Variants in ARMC2 observed in about 807,000 individuals in gnomAD.
The protein encoded by ARMC2 is armadillo repeat containing 2, also known as armadillo repeat-containing protein 2.
A neutral mutation model predicts 90.3 loss-of-function variants in ARMC2; 67 were observed. That is an observed-to-expected ratio of 0.74 (90% CI 0.61 to 0.91). ARMC2 has a LOEUF of 0.91. ARMC2 is among the 40% of genes least tolerant of loss of function. ARMC2 has a pLI of 0.00. For synonymous variants in ARMC2, 393 were observed against 393.0 expected, an observed-to-expected ratio of 1.00 and a Z score of 0.00; for missense variants, 920 against 1,030.9, an observed-to-expected ratio of 0.89 and a Z score of 1.47.
At position 108,964,328 on chromosome 6, in the gene ARMC2, T is replaced by C. The variant is rs916469663; in HGVS notation, c.2285+16T>C. 1.9e-6 allele frequency: 3 copies of C among 1,612,032 alleles called. No homozygotes were observed. Among genetic ancestry groups the C allele is most frequent in the African/African-American group, 2.7e-5 (2 of 74,860 alleles). ...GCATTAAAAAGTAAGTTTCAGGGCG[T>C]AGAGTACTGACTCTCTCAGGATTTG... On this transcript the variant is annotated intron_variant, in intron 16 of 17. Coordinates refer to ENST00000392644, the MANE Select transcript of ARMC2 (RefSeq NM_032131.6).
intron 1 of ARMC2, among the ~76,000 whole-genome samples, chr6:108,853,099 AT>A (rs1332753925): frequency 9.9e-5 from 15 of 152,180 alleles, no homozygotes; most frequent in Non-Finnish European, 1.8e-4. Flanking sequence ...TGTATCAAAA[AT>A]TCCTAAAATA....
At chr6:109,021,789 CA>C in the ARMC2 span, among the ~76,000 whole-genome samples, 1 of 151,798 alleles carries the variant, frequency 6.6e-6, no homozygotes, top group African/African-American at 2.4e-5. Context: ...TATGTTGAAT[CA>C]GAAAAAAAGG....
chr6:108,888,752 G>A (rs1463420273), intron 5 of ARMC2, among the ~76,000 whole-genome samples: 1 of 152,130 alleles, frequency 6.6e-6, no homozygotes, highest in African/African-American at 2.4e-5. Context: ...GCTACATTCT[G>A]TTATTTCCTC....
intron 10 of ARMC2, among the ~76,000 whole-genome samples, chr6:108,919,289 G>T (rs746552202): frequency 6.6e-6 from 1 of 152,180 alleles, no homozygotes; most frequent in Non-Finnish European, 1.5e-5. Context: ...TTGTATTTAG[G>T]TGTTTAGATA....
In ARMC2 at chr6:108,899,648, A is replaced by G. The variant is rs772199142; in HGVS notation, c.749-46A>G. ...AGGCTTTTGACCATGCTTCATGACA[A>G]CTCCTTTTTCATAGCTTTTTCTCCT... On this transcript the variant is annotated intron_variant, in intron 6 of 17. Transcript: ENST00000392644. The G allele has an allele frequency of 9.0e-6, 13 of 1,448,176 alleles. No individual in the cohort carries two copies. In the East Asian group the frequency reaches 2.7e-4, roughly 31 times the overall value. The allele number at this position is 1,448,176 out of a possible 1,614,324, so 89.7% of individuals were successfully genotyped here.
intron 5 of ARMC2, among the ~76,000 whole-genome samples, chr6:108,891,685 A>G (rs2478995): frequency 0.19 from 29,397 of 151,920 alleles, 3,571 homozygotes; most frequent in East Asian, 0.35. Flanking sequence ...ATTTTCTCCT[A>G]TTCTGTAGGT....
intron 6 of ARMC2, among the ~76,000 whole-genome samples, chr6:108,895,458 T>C (rs934084362): frequency 1.6e-5 from 2 of 123,964 alleles, no homozygotes; most frequent in African/African-American, 6.3e-5. Flanking sequence ...CACTCCAGCC[T>C]GGGCGACAGA....
the ARMC2 span, among the ~76,000 whole-genome samples, chr6:109,016,553 G>C: frequency 6.6e-6 from 1 of 152,090 alleles, no homozygotes; most frequent in Non-Finnish European, 1.5e-5. Flanking sequence ...AGGTTATTAT[G>C]TATTTTAAAA....
chr6:108,949,290 GT>G (rs1403169080), intron 12 of ARMC2, among the ~76,000 whole-genome samples: 2 of 152,140 alleles, frequency 1.3e-5, no homozygotes, highest in Non-Finnish European at 2.9e-5. Flanking sequence ...GGTTTAGATT[GT>G]AAAAGATACT....
the ARMC2 span, among the ~76,000 whole-genome samples, chr6:109,035,963 G>A: frequency 6.6e-6 from 1 of 152,156 alleles, no homozygotes; most frequent in African/African-American, 2.4e-5. Context: ...AACTCCCAGA[G>A]CATAGTAATT....
At chr6:109,011,684 A>C in the ARMC2 span, among the ~76,000 whole-genome samples, 20 of 148,810 alleles carry the variant, frequency 1.3e-4, no homozygotes, top group African/African-American at 5.0e-4. Flanking sequence ...GGATGAGTGC[A>C]GTGGCATTAT....
At chr6:108,888,058 TCTC>T (rs1770541585) in intron 5 of ARMC2, among the ~76,000 whole-genome samples, 2 of 152,142 alleles carry the variant, frequency 1.3e-5, no homozygotes, top group South Asian at 2.1e-4. Flanking sequence ...ACGTAGAACA[TCTC>T]CTCTCTGTCC....
the ARMC2 span, among the ~76,000 whole-genome samples, chr6:109,004,869 T>C: frequency 6.6e-6 from 1 of 152,156 alleles, no homozygotes; most frequent in African/African-American, 2.4e-5. Context: ...TTGCTTAAGA[T>C]CAAAAAGTTT....
the ARMC2 span, chr6:108,992,984 CTCTT>C: frequency 1.2e-6 from 1 of 813,642 alleles, no homozygotes; most frequent in Non-Finnish European, 2.1e-6. Flanking sequence ...AATGGCATAA[CTCTT>C]TCTCTGATAC....
chr6:109,046,420 T>A, the ARMC2 span, among the ~76,000 whole-genome samples: 35 of 150,794 alleles, frequency 2.3e-4, 1 homozygote, highest in Non-Finnish European at 1.2e-4. Flanking sequence ...AGTGGCATGA[T>A]CTCGGCTCAC....
At chr6:108,858,718 A>G (rs1774919922) in intron 3 of ARMC2, among the ~76,000 whole-genome samples, 1 of 152,048 alleles carries the variant, frequency 6.6e-6, no homozygotes, top group Non-Finnish European at 1.5e-5. Context: ...AAGATTTATT[A>G]CAAAAAAACT....
At chr6:109,002,253 C>G in the ARMC2 span, 1 of 1,602,348 alleles carries the variant, frequency 6.2e-7, no homozygotes, top group Non-Finnish European at 8.6e-7. Context: ...ATACAGTTCA[C>G]TATGTACTTT....
chr6:109,007,910 G>T, the ARMC2 span, among the ~76,000 whole-genome samples: 1 of 150,806 alleles, frequency 6.6e-6, no homozygotes, highest in African/African-American at 2.4e-5. Flanking sequence ...CAGGAGTTCC[G>T]TTTCTTGAAA....
At chr6:108,992,887 A>G in the ARMC2 span, 2 of 1,609,200 alleles carry the variant, frequency 1.2e-6, no homozygotes, top group South Asian at 1.1e-5. Flanking sequence ...TGCTGGTGTA[A>G]CTTCTTCATC....
Sources: allele counts gnomAD v4.1 joint callset (sites outside exome capture counted in the v4.1 genomes callset), GRCh38; gene constraint gnomAD v4.1.1; transcripts MANE v1.5; gene names NCBI Gene and HGNC (gene_info 2026-07-23, HGNC 2026-07-21).